Variants in SHROOM3 observed in about 807,000 individuals in gnomAD.
The protein encoded by SHROOM3 is protein Shroom3.
Under a neutral mutation model 138.6 loss-of-function variants are expected in SHROOM3, and 47 were observed. The observed-to-expected ratio is 0.34, with a 90% CI of 0.27 to 0.43. The LOEUF is 0.43. Among genes scored for constraint, SHROOM3 ranks in the 20% least tolerant of loss-of-function variants. The probability of loss-of-function intolerance (pLI) is 1.00; values close to 1 mark genes in which losing one functional copy is unlikely to be tolerated. For missense variants in SHROOM3, 2,491 were observed against 2,596.5 expected (o/e 0.96, Z 0.88); for synonymous variants, 1,062 against 1,063.3 (o/e 1.00, Z 0.02).
chr4:76,635,916 T>C (rs1245386897), intron 2 of SHROOM3, among the ~76,000 whole-genome samples: 1 of 152,228 alleles, frequency 6.6e-6, no homozygotes, highest in East Asian at 1.9e-4. Flanking sequence ...TACCCATTAT[T>C]GTCCTCTCTG....
intron 1 of SHROOM3, among the ~76,000 whole-genome samples, chr4:76,553,307 G>T (rs879392999): frequency 6.6e-6 from 1 of 151,668 alleles, no homozygotes; most frequent in Non-Finnish European, 1.5e-5. Flanking sequence ...ACGGGGTCTC[G>T]CTCTATCACC....
At chr4:76,543,741 A>G (rs930900917) in intron 1 of SHROOM3, among the ~76,000 whole-genome samples, 1 of 152,212 alleles carries the variant, frequency 6.6e-6, no homozygotes, top group African/African-American at 2.4e-5. Context: ...TGCTCAAAAT[A>G]TGCTGACAAG....
At chr4:76,493,233 A>AC (rs1207993819) in intron 1 of SHROOM3, among the ~76,000 whole-genome samples, 1 of 151,866 alleles carries the variant, frequency 6.6e-6, no homozygotes, top group East Asian at 1.9e-4. Flanking sequence ...TCAAAAAAAA[A>AC]AAAAAAAAAA....
intron 4 of SHROOM3, among the ~76,000 whole-genome samples, chr4:76,731,226 A>C (rs1282415767): frequency 6.6e-6 from 1 of 152,216 alleles, no homozygotes; most frequent in Non-Finnish European, 1.5e-5. Flanking sequence ...TGATAGCACT[A>C]TATTAGAAAA....
intron 1 of SHROOM3, among the ~76,000 whole-genome samples, chr4:76,491,635 G>A (rs1731851912): frequency 6.6e-6 from 1 of 152,174 alleles, no homozygotes; most frequent in Non-Finnish European, 1.5e-5. Flanking sequence ...GCAGTCTTGA[G>A]GGACAGACCA....
chr4:76,501,883 T>G lies in SHROOM3; in HGVS notation c.169-53726T>G, dbSNP rs1208028325. Among the ~76,000 whole-genome samples, 3 of 152,300 alleles carry G rather than the reference T, an allele frequency of 2.0e-5. No individual in the cohort carries two copies. The East Asian group carries it at 5.8e-4, about 29-fold the overall frequency. ...CTTTTCATCTGGCCAGTCATCTGTA[T>G]CCTTTATTATATCCAGTAAACATAA... On this transcript the variant is annotated intron_variant, in intron 1 of 10. Coordinates refer to ENST00000296043, the MANE Select transcript of SHROOM3 (RefSeq NM_020859.4).
intron 2 of SHROOM3, among the ~76,000 whole-genome samples, chr4:76,583,339 T>G (rs1442354128): frequency 2.6e-5 from 4 of 152,216 alleles, no homozygotes; most frequent in Non-Finnish European, 5.9e-5. Flanking sequence ...TGAAAGGTCG[T>G]GCTCTATGCT....
chr4:76,459,534 C>A (rs1731099640), intron 1 of SHROOM3, among the ~76,000 whole-genome samples: 1 of 152,070 alleles, frequency 6.6e-6, no homozygotes. Context: ...AGGCCTCATT[C>A]ACGAAACAGG....
intron 1 of SHROOM3, among the ~76,000 whole-genome samples, chr4:76,550,299 G>A (rs1733322545): frequency 6.6e-6 from 1 of 152,128 alleles, no homozygotes; most frequent in Non-Finnish European, 1.5e-5. Flanking sequence ...TGAGATGAAT[G>A]AAAGAATGAA....
chr4:76,575,669 A>G (rs1435985156), intron 2 of SHROOM3: 1 of 152,214 alleles, frequency 6.6e-6, no homozygotes, highest in Non-Finnish European at 1.5e-5. Context: ...AAATTTAAAA[A>G]GTAATCCCAT....
chr4:76,492,169 C>A (rs1216347344), intron 1 of SHROOM3, among the ~76,000 whole-genome samples: 3 of 152,176 alleles, frequency 2.0e-5, no homozygotes, highest in Non-Finnish European at 4.4e-5. Context: ...ACAAACTGGG[C>A]GAAAGAAGTA....
chr4:76,584,911 CT>C (rs1734122228), intron 2 of SHROOM3, among the ~76,000 whole-genome samples: 1 of 152,116 alleles, frequency 6.6e-6, no homozygotes, highest in African/African-American at 2.4e-5. Flanking sequence ...TGGGAGGCTT[CT>C]CTTCTTTTGA....
rs1397502781 is a variant in SHROOM3 at position 76,741,106 on chromosome 4, C to G, written c.2933C>G (p.Ser978Cys). ...AGCCCCGAGGCGTCGGCCTCCGCCT[C>G]CCCGCACACGCCCCGGGAGCGGCAC... is the stretch of plus-strand genomic sequence containing the variant. ...LRSPEASASA[S>C]PHTPRERHSV... The change falls in exon 5 of 11, where the codon TCC (serine) becomes TGC (cysteine). Residue 978 changes from serine to cysteine, a missense_variant. Physicochemically the swap from Ser to Cys is moderately radical, Grantham distance 112 (BLOSUM62 -1). Transcript: ENST00000296043. The surrounding 1 kb of genome is among the most constrained non-coding windows in gnomAD (Gnocchi z 6.2). 2 of 1,548,974 alleles carry G rather than the reference C, an allele frequency of 1.3e-6. No individual in the cohort carries two copies. Among genetic ancestry groups the G allele is most frequent in the African/African-American group, 2.7e-5 (2 of 73,122 alleles).
At chr4:76,721,346 A>G (rs1325495069) in intron 3 of SHROOM3, among the ~76,000 whole-genome samples, 1 of 152,210 alleles carries the variant, frequency 6.6e-6, no homozygotes, top group Non-Finnish European at 1.5e-5. Flanking sequence ...ACATTTCAAC[A>G]TACATAGAAA....
intron 2 of SHROOM3, among the ~76,000 whole-genome samples, chr4:76,562,080 G>T (rs980793613): frequency 1.3e-5 from 2 of 152,246 alleles, no homozygotes; most frequent in East Asian, 1.9e-4. Context: ...ATTCATCTAA[G>T]AAAACATTTT....
At chr4:76,592,923 G>A (rs1734304448) in intron 2 of SHROOM3, among the ~76,000 whole-genome samples, 1 of 152,094 alleles carries the variant, frequency 6.6e-6, no homozygotes, top group South Asian at 2.1e-4. Flanking sequence ...TACCTTTTGA[G>A]GCACTTCAGT....
At chr4:76,770,502 A>T (rs1722325687) in intron 9 of SHROOM3, 124 bp from the exon 10 acceptor site, 1 of 1,107,046 alleles carries the variant, frequency 9.0e-7, no homozygotes, top group East Asian at 2.6e-5. Context: ...GACACTCCAT[A>T]TAGAGAAGGG....
At position 76,756,610 on chromosome 4, in the gene SHROOM3, T is replaced by G. The variant is rs769710923; in HGVS notation, c.4871T>G (p.Leu1624Arg). 14 of 1,613,550 alleles carry G rather than the reference T, an allele frequency of 8.7e-6. No homozygotes were observed. Among genetic ancestry groups the G allele is most frequent in the Non-Finnish European group, 1.1e-5 (13 of 1,179,880 alleles). ...PPSFMSVHAQLAGSLGGQPAP... is the reference protein window; with the variant it reads ...PPSFMSVHAQRAGSLGGQPAP... ...TCCTTCATGAGCGTTCACGCCCAAC[T>G]TGCTGGGTCTCTTGGTGGGCAGCCA... The change falls in exon 8 of 11, where the codon CTT becomes CGT. Residue 1624 changes from leucine (L) to arginine (R), a missense_variant. Leu to Arg is a moderately radical substitution (Grantham distance 102). This residue lies in a region of SHROOM3 where 470 missense variants were observed against 595.0 expected (regional missense o/e 0.79). Transcript: ENST00000296043.
chr4:76,499,331 A>G (rs949513667), intron 1 of SHROOM3, among the ~76,000 whole-genome samples: 1 of 152,216 alleles, frequency 6.6e-6, no homozygotes, highest in Non-Finnish European at 1.5e-5. Context: ...GAATCACATG[A>G]TATAAAATAT....
Sources: gnomAD v4.1 joint callset for allele counts (sites outside exome capture counted in the v4.1 genomes callset) on GRCh38, gnomAD v4.1.1 for gene constraint, gnomAD v4.1.1 regional missense constraint, Gnocchi (gnomAD v3.1) non-coding constraint, MANE v1.5 for transcripts, NCBI Gene and HGNC (gene_info 2026-07-23, HGNC 2026-07-21) for gene names.